The following PRSS23 variants were observed in gnomAD, a reference collection of about 807,000 sequenced individuals.
PRSS23 encodes protease, serine 23.
PRSS23 carries 25 observed loss-of-function variants against 34.7 expected under a neutral mutation model. That is an observed-to-expected ratio of 0.72 (90% CI 0.53 to 1.01). PRSS23 has a LOEUF of 1.01. PRSS23 is among the 50% of genes least tolerant of loss of function. The pLI is 0.00. For synonymous variants in PRSS23, 176 were observed against 186.6 expected, an observed-to-expected ratio of 0.94 and a Z score of 0.46; for missense variants, 445 against 475.6, an observed-to-expected ratio of 0.94 and a Z score of 0.60.
intron 2 of PRSS23, among the ~76,000 whole-genome samples, chr11:86,943,237 TA>T (rs1051875924): frequency 3.3e-5 from 5 of 152,378 alleles, no homozygotes; most frequent in African/African-American, 1.2e-4. Context: ...TAATGCTATA[TA>T]ATCTTTTAAA....
chr11:86,886,998 G>A lies in PRSS23; in HGVS notation c.206+63405G>A, dbSNP rs1948806831. 3.9e-5 allele frequency among the ~76,000 whole-genome samples: 6 copies of A among 152,122 alleles called. No individual in the cohort carries two copies. The South Asian group carries it at 1.2e-3, about 32-fold the overall frequency. ...CCCAAGACCTAACATTAAGTAAGTAGTCAAACGATGGAATTATTACTATGT... is the reference window on the plus strand; with the variant it reads ...CCCAAGACCTAACATTAAGTAAGTAATCAAACGATGGAATTATTACTATGT... On this transcript the variant is annotated intron_variant, in intron 2 of 2. Transcript: ENST00000533902.
intron 2 of PRSS23, among the ~76,000 whole-genome samples, chr11:86,841,203 G>A (rs1480899115): frequency 1.3e-5 from 2 of 151,982 alleles, no homozygotes; most frequent in Non-Finnish European, 2.9e-5. Flanking sequence ...GCCTGGTGTG[G>A]TGGCACATGC....
At chr11:86,918,288 A>G (rs1949026896) in intron 2 of PRSS23, among the ~76,000 whole-genome samples, 1 of 152,192 alleles carries the variant, frequency 6.6e-6, no homozygotes, top group African/African-American at 2.4e-5. Context: ...AGGAGAAGGT[A>G]ATAGGAGGGT....
At chr11:86,854,788 T>C (rs1309531513) in intron 2 of PRSS23, among the ~76,000 whole-genome samples, 2 of 152,250 alleles carry the variant, frequency 1.3e-5, no homozygotes, top group Admixed American at 1.3e-4. Context: ...CAATGAACTT[T>C]CTTGGCACCT....
intron 2 of PRSS23, among the ~76,000 whole-genome samples, chr11:86,904,303 C>A (rs1343890376): frequency 6.6e-6 from 1 of 151,982 alleles, no homozygotes; most frequent in Non-Finnish European, 1.5e-5. Context: ...CACCTAGACA[C>A]ATCACCTCCA....
At chr11:86,861,412 C>T (rs781447656) in intron 2 of PRSS23, among the ~76,000 whole-genome samples, 2 of 151,594 alleles carry the variant, frequency 1.3e-5, no homozygotes, top group Admixed American at 1.3e-4. Context: ...GATATTACTC[C>T]CCATATCGCA....
chr11:86,862,509 T>A (rs1001651053), intron 2 of PRSS23, among the ~76,000 whole-genome samples: 1 of 152,026 alleles, frequency 6.6e-6, no homozygotes, highest in Non-Finnish European at 1.5e-5. Flanking sequence ...ATAATATTCG[T>A]AATATCCTAA....
At chr11:86,793,325 A>C (rs555636430) in intron 1 of PRSS23, among the ~76,000 whole-genome samples, 34 of 152,242 alleles carry the variant, frequency 2.2e-4, no homozygotes, top group Non-Finnish European at 4.6e-4. Context: ...TTTGGGAAAC[A>C]CATATTGTCC....
At chr11:86,821,017 T>G (rs778113724) in intron 1 of PRSS23, 11 of 185,696 alleles carry the variant, frequency 5.9e-5, no homozygotes, top group Non-Finnish European at 1.2e-4. Flanking sequence ...AAACCCAGCA[T>G]ACAAAAACTT....
At chr11:86,932,017 AG>A (rs1160902147) in intron 2 of PRSS23, among the ~76,000 whole-genome samples, 1 of 152,198 alleles carries the variant, frequency 6.6e-6, no homozygotes, top group Non-Finnish European at 1.5e-5. Context: ...TTTGTGCAAA[AG>A]TGAGGACCGA....
chr11:86,844,842 C>A lies in PRSS23; in HGVS notation c.206+21249C>A, dbSNP rs192587437. ...TGGCGGCTCATGCCTGTAATCCCAGCACTTTGAGAGGCCGAGGCAGGCAGA... is the reference window on the plus strand; with the variant it reads ...TGGCGGCTCATGCCTGTAATCCCAGAACTTTGAGAGGCCGAGGCAGGCAGA... On this transcript the variant is annotated intron_variant, in intron 2 of 2. Coordinates refer to the PRSS23 transcript ENST00000533902. 1.3e-3 allele frequency among the ~76,000 whole-genome samples: 201 copies of A among 152,288 alleles called. 1 individual carries two copies. The highest frequency in any genetic ancestry group is 4.6e-3 in the African/African-American group (191 of 41,572).
chr11:86,884,031 A>T (rs1198731501), intron 2 of PRSS23, among the ~76,000 whole-genome samples: 2 of 152,138 alleles, frequency 1.3e-5, no homozygotes, highest in Non-Finnish European at 2.9e-5. Context: ...CAAGACAGAA[A>T]CCCTGGAGAT....
chr11:86,845,402 A>G (rs76054955), intron 2 of PRSS23, among the ~76,000 whole-genome samples: 8 of 152,216 alleles, frequency 5.3e-5, no homozygotes, highest in African/African-American at 1.7e-4. Flanking sequence ...TTATGAATGT[A>G]TCTTAAATTC....
At chr11:86,908,517 C>T (rs1177756714) in intron 2 of PRSS23, among the ~76,000 whole-genome samples, 1 of 152,204 alleles carries the variant, frequency 6.6e-6, no homozygotes, top group Non-Finnish European at 1.5e-5. Flanking sequence ...CAGAAACCTG[C>T]TGCTTCCTTG....
chr11:86,921,636 T>C lies in PRSS23; in HGVS notation c.207-29580T>C, dbSNP rs186323569. The C allele has an allele frequency of 1.9e-4, 29 of 152,360 alleles. No homozygotes were observed. In the East Asian group the frequency reaches 5.4e-3, roughly 28 times the overall value. 9.4% of individuals were successfully genotyped at this position (152,360 alleles called of 1,614,324 possible). A position where few individuals can be genotyped will look rare whatever the true frequency, so the allele number is the denominator to read the frequency against. On this transcript the variant is annotated intron_variant, in intron 2 of 2. Transcript: ENST00000533902. ...ATCTACTCTTGCCCAGTGGGAGATTTCCCAGTGAAATCCCACCGATGATCT... is the reference window on the plus strand; with the variant it reads ...ATCTACTCTTGCCCAGTGGGAGATTCCCCAGTGAAATCCCACCGATGATCT...
At chr11:86,935,567 C>T (rs751427368) in intron 2 of PRSS23, 3 of 152,144 alleles carry the variant, frequency 2.0e-5, no homozygotes, top group Non-Finnish European at 2.9e-5. Flanking sequence ...ATCATTGTTG[C>T]ATTGTTGTCA....
chr11:86,857,680 T>C (rs566012651), intron 2 of PRSS23: 4 of 569,926 alleles, frequency 7.0e-6, no homozygotes, highest in South Asian at 1.4e-5. Flanking sequence ...CAGGAGCATG[T>C]CTTCTATACA....
rs146693601 is a variant in PRSS23 at position 86,857,913 on chromosome 11, C to G, written c.206+34320C>G. ...GGTTCCTCAGCATCGTGACCAGGTA[C>G]ATGGACAGGGAGAGCCCAGTGAGGA... On this transcript the variant is annotated intron_variant, in intron 2 of 2. Coordinates refer to the PRSS23 transcript ENST00000533902. 92 of 485,348 alleles carry G rather than the reference C, an allele frequency of 1.9e-4. 1 individual carries two copies. The Admixed American group carries it at 1.9e-3, about 10-fold the overall frequency. 30.1% of individuals were successfully genotyped at this position (485,348 alleles called of 1,614,324 possible). A position where few individuals can be genotyped will look rare whatever the true frequency, so the allele number is the denominator to read the frequency against.
intron 2 of PRSS23, among the ~76,000 whole-genome samples, chr11:86,899,888 A>G (rs1003942494): frequency 8.5e-5 from 13 of 152,246 alleles, no homozygotes; most frequent in African/African-American, 2.9e-4. Flanking sequence ...TAAATTGGGA[A>G]GAGAAACACA....
Sources: allele counts gnomAD v4.1 joint callset (sites outside exome capture counted in the v4.1 genomes callset), GRCh38; gene constraint gnomAD v4.1.1; transcripts MANE v1.5; gene names NCBI Gene and HGNC (gene_info 2026-07-23, HGNC 2026-07-21).